CDYL2: variants seen among roughly 807,000 people sequenced by gnomAD.
CDYL2 encodes chromodomain Y like 2, also known as chromodomain Y-like protein 2.
In CDYL2, 23 loss-of-function variants were observed where a neutral mutation model predicts 49.4. The ratio of observed to expected loss-of-function variants is 0.47; its 90% CI spans 0.34 to 0.66. The LOEUF (loss-of-function observed/expected upper bound fraction) is 0.66. Ranked by LOEUF, CDYL2 falls within the 30% of genes least tolerant of loss-of-function variation. The pLI is 0.01. For synonymous variants in CDYL2, 360 were observed against 268.8 expected (o/e 1.34, Z -3.32); for missense variants, 678 against 656.4 (o/e 1.03, Z -0.36).
intron 2 of CDYL2, among the ~76,000 whole-genome samples, chr16:80,636,761 T>C (rs1907847350): frequency 6.6e-6 from 1 of 152,214 alleles, no homozygotes; most frequent in Non-Finnish European, 1.5e-5. Flanking sequence ...CACGTATGTT[T>C]ACTGCAGCAC....
rs1460635711 is a variant in CDYL2, at chr16:80,601,691, A to G, written c.*2697T>C. 6.6e-6 allele frequency: 1 copy of G among 152,182 alleles called. No individual in the cohort carries two copies. Among genetic ancestry groups the G allele is most frequent in the East Asian group, 1.9e-4 (1 of 5,188 alleles). 9.4% of individuals were successfully genotyped at this position (152,182 alleles called of 1,614,324 possible). A position where few individuals can be genotyped will look rare whatever the true frequency, so the allele number is the denominator to read the frequency against. On this transcript the variant is annotated 3_prime_UTR_variant, in exon 7 of 7. Transcript: ENST00000570137. ...ACATGATCAAAACAACTACCCAGAA[A>G]GTGAAAAATTCAGTCCACCCTGCAG...
intron 3 of CDYL2, among the ~76,000 whole-genome samples, chr16:80,628,684 C>A (rs1907413504): frequency 6.6e-6 from 1 of 152,198 alleles, no homozygotes; most frequent in Non-Finnish European, 1.5e-5. Flanking sequence ...TTATAGATAA[C>A]TAATACAATC....
chr16:80,756,576 C>G (rs1053000726), intron 1 of CDYL2, among the ~76,000 whole-genome samples: 2 of 151,932 alleles, frequency 1.3e-5, no homozygotes, highest in African/African-American at 4.8e-5. Context: ...TTTGAAAAGG[C>G]TGTTAAGAAT....
intron 1 of CDYL2, among the ~76,000 whole-genome samples, chr16:80,744,562 C>T (rs1905860235): frequency 1.3e-5 from 2 of 152,124 alleles, no homozygotes; most frequent in African/African-American, 4.8e-5. Flanking sequence ...TTTAATCCTC[C>T]CAACAACCTT....
At chr16:80,621,025 C>T in intron 3 of CDYL2, 90 bp from the exon 4 acceptor site, 2 of 1,389,442 alleles carry the variant, frequency 1.4e-6, no homozygotes, top group Non-Finnish European at 1.9e-6. Context: ...AGGCCTGACC[C>T]CCTGAGGGTA....
intron 3 of CDYL2, among the ~76,000 whole-genome samples, chr16:80,623,802 C>T (rs1907188051): frequency 6.6e-6 from 1 of 152,136 alleles, no homozygotes. Context: ...ATGTCCTTCA[C>T]CGCAGGCTAG....
At chr16:80,702,837 C>T (rs143108262) in intron 1 of CDYL2, among the ~76,000 whole-genome samples, 6 of 152,250 alleles carry the variant, frequency 3.9e-5, no homozygotes, top group East Asian at 1.9e-4. Flanking sequence ...CAGCACTGCA[C>T]GCCAGAAATG....
chr16:80,639,774 G>A (rs1486765514), intron 2 of CDYL2: 2 of 455,218 alleles, frequency 4.4e-6, no homozygotes, highest in Admixed American at 2.4e-5. Flanking sequence ...TGAAGCAGTA[G>A]TGTGGTATGG....
intron 4 of CDYL2, among the ~76,000 whole-genome samples, chr16:80,618,095 C>G (rs899511639): frequency 9.2e-5 from 14 of 152,336 alleles, no homozygotes; most frequent in African/African-American, 3.4e-4. Context: ...AGTTCATGAA[C>G]TAGCAACTTC....
At chr16:80,792,557 G>A (rs1223432489) in intron 1 of CDYL2, among the ~76,000 whole-genome samples, 1 of 152,168 alleles carries the variant, frequency 6.6e-6, no homozygotes. Context: ...AATGACAAGT[G>A]ATGTTTTCAA....
chr16:80,741,964 G>C (rs774292825), intron 1 of CDYL2: 6 of 152,214 alleles, frequency 3.9e-5, no homozygotes, highest in Non-Finnish European at 8.8e-5. Context: ...AGAACAATGT[G>C]CAAGGTTTCA....
intron 1 of CDYL2, among the ~76,000 whole-genome samples, chr16:80,731,251 T>A (rs372756692): frequency 5.3e-5 from 3 of 56,156 alleles, no homozygotes; most frequent in African/African-American, 1.0e-4. Flanking sequence ...ACTAAAAACA[T>A]CAGCGCAAAA....
chr16:80,695,628 T>G (rs1415736338), intron 1 of CDYL2, among the ~76,000 whole-genome samples: 1 of 152,182 alleles, frequency 6.6e-6, no homozygotes, highest in Non-Finnish European at 1.5e-5. Context: ...AAATAGACCT[T>G]AAGTTTAAAA....
chr16:80,644,497 C>T (rs546292769), intron 2 of CDYL2, among the ~76,000 whole-genome samples: 2 of 152,280 alleles, frequency 1.3e-5, no homozygotes, highest in South Asian at 4.1e-4. Flanking sequence ...GATAAAGACA[C>T]TGGGTAGACT....
rs969653091 is a variant in CDYL2 at position 80,599,160 on chromosome 16, A to G, written c.*5228T>C. 6.6e-6 allele frequency: 1 copy of G among 152,220 alleles called. No homozygotes were observed. Among genetic ancestry groups the G allele is most frequent in the Non-Finnish European group, 1.5e-5 (1 of 68,044 alleles). 9.4% of individuals were successfully genotyped at this position (152,220 alleles called of 1,614,324 possible). ...TGGATCAATGATATAAGGTTAAGCC[A>G]TAAAAACACCAGAGGTGAAGTTGAA... is the stretch of plus-strand genomic sequence containing the variant. On this transcript the variant is annotated 3_prime_UTR_variant, in exon 7 of 7. Coordinates refer to ENST00000570137, the MANE Select transcript of CDYL2 (RefSeq NM_152342.4).
At chr16:80,609,940 A>G (rs1353388741) in intron 5 of CDYL2, among the ~76,000 whole-genome samples, 1 of 152,168 alleles carries the variant, frequency 6.6e-6, no homozygotes, top group Non-Finnish European at 1.5e-5. Context: ...CAAGTCACTT[A>G]ACGTCACAAA....
At chr16:80,627,202 G>C (rs896525133) in intron 3 of CDYL2, among the ~76,000 whole-genome samples, 7 of 152,006 alleles carry the variant, frequency 4.6e-5, no homozygotes, top group African/African-American at 1.7e-4. Context: ...AAGCTCACAG[G>C]CCACTATCTT....
chr16:80,747,557 G>A (rs912668566), intron 1 of CDYL2, among the ~76,000 whole-genome samples: 4 of 152,156 alleles, frequency 2.6e-5, no homozygotes, highest in South Asian at 2.1e-4. Context: ...GTGAATAGTG[G>A]TAGTGGTGGT....
At chr16:80,699,101 G>T (rs1390814287) in intron 1 of CDYL2, among the ~76,000 whole-genome samples, 8 of 151,938 alleles carry the variant, frequency 5.3e-5, no homozygotes, top group Admixed American at 5.3e-4. Flanking sequence ...TAGAAAGGAG[G>T]TTCCTCAAAA....
Sources: gnomAD v4.1 joint callset for allele counts (sites outside exome capture counted in the v4.1 genomes callset) on GRCh38, gnomAD v4.1.1 for gene constraint, MANE v1.5 for transcripts, NCBI Gene and HGNC (gene_info 2026-07-23, HGNC 2026-07-21) for gene names.